The following EEA1 variants were observed in gnomAD, a reference collection of about 807,000 sequenced individuals.
The protein encoded by EEA1 is early endosome antigen 1.
In EEA1, 111 loss-of-function variants were observed where a neutral mutation model predicts 209.2. The observed-to-expected ratio is 0.53, with a 90% CI of 0.45 to 0.62. The LOEUF (loss-of-function observed/expected upper bound fraction) is 0.62. Ranked by LOEUF, EEA1 falls within the 20% of genes least tolerant of loss-of-function variation. EEA1 has a pLI of 0.00. For synonymous variants in EEA1, 536 were observed against 540.6 expected (o/e 0.99, Z 0.12); for missense variants, 1,343 against 1,530.8 (o/e 0.88, Z 2.05).
chr12:92,850,145 T>C (rs1877549375), intron 9 of EEA1, among the ~76,000 whole-genome samples: 1 of 152,218 alleles, frequency 6.6e-6, no homozygotes, highest in Non-Finnish European at 1.5e-5. Flanking sequence ...AGTCTTCAAA[T>C]ACCTCATGTG....
chr12:92,903,364 G>A (rs1365052878), intron 1 of EEA1, among the ~76,000 whole-genome samples: 1 of 151,956 alleles, frequency 6.6e-6, no homozygotes, highest in Admixed American at 6.6e-5. Context: ...TTGGGAGGCT[G>A]AGGCAGGCAG....
chr12:92,779,535 GA>G (rs201381117), intron 24 of EEA1, among the ~76,000 whole-genome samples: 20 of 149,978 alleles, frequency 1.3e-4, no homozygotes, highest in African/African-American at 4.2e-4. Flanking sequence ...ATTATGTGGA[GA>G]AAAAAAAACA....
rs988094893 is a variant in EEA1 at position 92,802,813 on chromosome 12, C to A, written c.2340-79G>T. ...TTTACCATTCAAAATTAATCACAAA[C>A]AATTACTGAGTTCTGAAACTTTTTT... is the stretch of plus-strand genomic sequence containing the variant. On this transcript the variant is annotated intron_variant, in intron 18 of 28. Coordinates refer to ENST00000322349, the MANE Select transcript of EEA1 (RefSeq NM_003566.4). 24 of 1,180,482 alleles carry A rather than the reference C, an allele frequency of 2.0e-5. No individual in the cohort carries two copies. The African/African-American group carries it at 3.9e-4, about 19-fold the overall frequency. 73.1% of individuals were successfully genotyped at this position (1,180,482 alleles called of 1,614,324 possible). A position where few individuals can be genotyped will look rare whatever the true frequency, so the allele number is the denominator to read the frequency against.
intron 12 of EEA1, among the ~76,000 whole-genome samples, 162 bp downstream of exon 12, chr12:92,827,750 A>G (rs1876385960): frequency 6.6e-6 from 1 of 152,266 alleles, no homozygotes; most frequent in Non-Finnish European, 1.5e-5. Flanking sequence ...CAATTACAAC[A>G]AAATGACTTA....
intron 3 of EEA1, among the ~76,000 whole-genome samples, chr12:92,864,368 G>C (rs1358496538): frequency 2.6e-5 from 4 of 151,996 alleles, no homozygotes. Context: ...GCTATTCTAA[G>C]TAGTTATATT....
rs997332847 is a variant in EEA1 at position 92,891,851 on chromosome 12, A to C, written c.25-130T>G. The C allele has an allele frequency of 5.1e-6, 3 of 582,558 alleles. 1 individual carries two copies. The highest frequency in any genetic ancestry group is 3.3e-5 in the Admixed American group (1 of 29,968). 36.1% of individuals were successfully genotyped at this position (582,558 alleles called of 1,614,324 possible). A position where few individuals can be genotyped will look rare whatever the true frequency, so the allele number is the denominator to read the frequency against. The stretch of plus-strand genomic sequence containing the variant: ...TCTTTACAATAATAACAGTACTAAC[A>C]GTATCATTTATGGAAGAGTGTACCT... On this transcript the variant is annotated intron_variant, in intron 1 of 28. Transcript: ENST00000322349.
chr12:92,797,731 C>T (rs1345377448), intron 21 of EEA1, among the ~76,000 whole-genome samples: 1 of 151,996 alleles, frequency 6.6e-6, no homozygotes, highest in Non-Finnish European at 1.5e-5. Context: ...TACATGTTGA[C>T]TTTTGATTAT....
chr12:92,840,053 C>G (rs1462334915), intron 10 of EEA1, among the ~76,000 whole-genome samples: 1 of 152,186 alleles, frequency 6.6e-6, no homozygotes, highest in African/African-American at 2.4e-5. Context: ...CAAGCTCATA[C>G]ACATGGCTGT....
intron 5 of EEA1, among the ~76,000 whole-genome samples, chr12:92,855,080 T>G (rs1182155523): frequency 6.6e-6 from 1 of 152,232 alleles, no homozygotes; most frequent in Non-Finnish European, 1.5e-5. Flanking sequence ...GTTGAACATT[T>G]GCATTAGTTA....
chr12:92,840,805 A>G (rs1783129229), intron 10 of EEA1, among the ~76,000 whole-genome samples: 1 of 152,194 alleles, frequency 6.6e-6, no homozygotes, highest in South Asian at 2.1e-4. Flanking sequence ...ACCTTTGCAT[A>G]TATTGTTGCT....
intron 2 of EEA1, among the ~76,000 whole-genome samples, chr12:92,877,873 T>C (rs1213736735): frequency 6.6e-6 from 1 of 152,208 alleles, no homozygotes; most frequent in Non-Finnish European, 1.5e-5. Flanking sequence ...TAAGATATAA[T>C]GGAATTTATT....
intron 10 of EEA1, among the ~76,000 whole-genome samples, chr12:92,835,657 C>T (rs557419122): frequency 1.4e-4 from 21 of 151,948 alleles, no homozygotes; most frequent in African/African-American, 4.8e-4. Context: ...GTGATCTGCC[C>T]GCCTTGGCCT....
At chr12:92,927,861 G>C (rs12812223) in intron 1 of EEA1, among the ~76,000 whole-genome samples, 4,228 of 152,254 alleles carry the variant, frequency 0.028, 90 homozygotes, top group Middle Eastern at 0.088. Flanking sequence ...TGTCAACACA[G>C]GTTGTCAGAT....
chr12:92,866,483 T>C (rs1878402035), intron 2 of EEA1, among the ~76,000 whole-genome samples: 2 of 152,082 alleles, frequency 1.3e-5, no homozygotes, highest in Admixed American at 1.3e-4. Flanking sequence ...AAGTAAGTTT[T>C]ATTAGAATGT....
At chr12:92,866,333 T>C (rs1878394976) in intron 2 of EEA1, among the ~76,000 whole-genome samples, 1 of 152,098 alleles carries the variant, frequency 6.6e-6, no homozygotes, top group South Asian at 2.1e-4. Flanking sequence ...AATAAACTTG[T>C]TTTGCTTCCA....
chr12:92,780,748 T>C (rs1873870222), intron 23 of EEA1, among the ~76,000 whole-genome samples: 1 of 152,218 alleles, frequency 6.6e-6, no homozygotes, highest in Non-Finnish European at 1.5e-5. Context: ...GTTAGGATAT[T>C]ATCTCAGTTA....
At chr12:92,927,630 C>T (rs1881258734) in intron 1 of EEA1, among the ~76,000 whole-genome samples, 1 of 152,168 alleles carries the variant, frequency 6.6e-6, no homozygotes, top group East Asian at 1.9e-4. Context: ...TTTTCACTTG[C>T]AGAACTATGA....
At chr12:92,831,238 C>A (rs942408300) in intron 11 of EEA1, among the ~76,000 whole-genome samples, 2 of 151,940 alleles carry the variant, frequency 1.3e-5, no homozygotes, top group Non-Finnish European at 1.5e-5. Flanking sequence ...GTAGCTGAGA[C>A]CTGAATATCC....
At chr12:92,872,356 A>G (rs1322452738) in intron 2 of EEA1, among the ~76,000 whole-genome samples, 3 of 152,180 alleles carry the variant, frequency 2.0e-5, no homozygotes, top group Non-Finnish European at 2.9e-5. Flanking sequence ...GCCGAGATCA[A>G]GAAATTACTG....
Sources: gnomAD v4.1 joint callset for allele counts (sites outside exome capture counted in the v4.1 genomes callset) on GRCh38, gnomAD v4.1.1 for gene constraint, MANE v1.5 for transcripts, NCBI Gene and HGNC (gene_info 2026-07-23, HGNC 2026-07-21) for gene names.